CSMD3: variants seen among roughly 807,000 people sequenced by gnomAD.
CSMD3 encodes the protein CUB and sushi domain-containing protein 3.
Under a neutral mutation model 435.2 loss-of-function variants are expected in CSMD3, and 177 were observed. That is an observed-to-expected ratio of 0.41 (90% CI 0.36 to 0.46). The LOEUF is 0.46. CSMD3 is among the 20% of genes least tolerant of loss of function. The pLI is 0.34. For synonymous variants in CSMD3, 1,656 were observed against 1,520.5 expected (o/e 1.09, Z -2.07); for missense variants, 4,265 against 4,504.6 (o/e 0.95, Z 1.52).
At chr8:113,337,848 T>C (rs1022019844) in intron 1 of CSMD3, among the ~76,000 whole-genome samples, 10 of 137,984 alleles carry the variant, frequency 7.2e-5, no homozygotes, top group Admixed American at 6.3e-4. Flanking sequence ...ATAAGTGTTT[T>C]TACCACAAAA....
intron 10 of CSMD3, among the ~76,000 whole-genome samples, chr8:112,861,705 C>A (rs1310453987): frequency 6.6e-6 from 1 of 151,786 alleles, no homozygotes; most frequent in East Asian, 1.9e-4. Context: ...GTGCTAGTGG[C>A]CTGATAAGGA....
intron 4 of CSMD3, among the ~76,000 whole-genome samples, chr8:113,133,863 A>G (rs562065966): frequency 6.6e-6 from 1 of 152,246 alleles, no homozygotes; most frequent in African/African-American, 2.4e-5. Flanking sequence ...TAACAGAAAC[A>G]GAAAGTAGAA....
Position 112,361,572 on chromosome 8 carries a change from C to CATATAT in CSMD3, c.6137-9044_6137-9039dup, listed in dbSNP as rs4030099. The stretch of plus-strand genomic sequence containing the variant: ...GTGTGTATGTATATATATACACATA[C>CATATAT]ATATATATATATATATATATATATA... On this transcript the variant is annotated intron_variant, in intron 38 of 70. Coordinates refer to ENST00000297405, the MANE Select transcript of CSMD3 (RefSeq NM_198123.2). Among the ~76,000 whole-genome samples, 223 of 107,006 alleles carry CATATAT rather than the reference C, an allele frequency of 2.1e-3. 1 individual carries two copies. Among genetic ancestry groups the CATATAT allele is most frequent in the East Asian group, 3.0e-3 (11 of 3,696 alleles). 70.2% of individuals were successfully genotyped at this position (107,006 alleles called of 152,430 possible).
intron 3 of CSMD3, among the ~76,000 whole-genome samples, chr8:113,221,922 G>A (rs983629571): frequency 1.3e-5 from 2 of 151,196 alleles, no homozygotes; most frequent in East Asian, 1.9e-4. Context: ...ATAAGAGCAG[G>A]GACTTTGTTT....
intron 5 of CSMD3, among the ~76,000 whole-genome samples, chr8:113,033,525 ATG>A (rs1192950775): frequency 6.7e-6 from 1 of 149,798 alleles, no homozygotes; most frequent in Non-Finnish European, 1.5e-5. Flanking sequence ...CATTTACCCA[ATG>A]CTTGTACCTG....
At chr8:112,775,891 C>G (rs922484678) in intron 13 of CSMD3, among the ~76,000 whole-genome samples, 1 of 151,784 alleles carries the variant, frequency 6.6e-6, no homozygotes, top group Admixed American at 6.6e-5. Flanking sequence ...TACCTTTTAT[C>G]TATATATAGA....
At chr8:113,111,056 C>A (rs181551018) in intron 4 of CSMD3, among the ~76,000 whole-genome samples, 2 of 152,138 alleles carry the variant, frequency 1.3e-5, no homozygotes, top group African/African-American at 2.4e-5. Context: ...AAAGTCCAAC[C>A]TCCTAATATC....
intron 32 of CSMD3, among the ~76,000 whole-genome samples, chr8:112,469,773 A>G (rs1265908209): frequency 6.6e-6 from 1 of 152,304 alleles, no homozygotes; most frequent in South Asian, 2.1e-4. Context: ...GTACCAGTCC[A>G]TAGCCCAGGG....
At chr8:112,898,348 C>A (rs2082009505) in intron 10 of CSMD3, among the ~76,000 whole-genome samples, 1 of 151,156 alleles carries the variant, frequency 6.6e-6, no homozygotes, top group Non-Finnish European at 1.5e-5. Context: ...CTTTTGCATT[C>A]ATAAAATTTA....
At chr8:112,585,580 T>C (rs901785687) in intron 23 of CSMD3, among the ~76,000 whole-genome samples, 20 of 151,642 alleles carry the variant, frequency 1.3e-4, no homozygotes, top group African/African-American at 4.8e-4. Flanking sequence ...AAAGAATCAT[T>C]TGTTATCCCA....
chr8:112,346,173 G>A lies in CSMD3; in HGVS notation c.6366C>T (p.Ile2122=), dbSNP rs139487815. ...AGTTTCCAGGAAACCCAGGACTGAG[G>A]ATCACACCACTGAAGTCTGACATAG... ...GGAMSDFSGV[I]LSPGFPGNYP... Residue 2122 remains isoleucine, a synonymous_variant, in exon 41 of 71, where the codon ATC becomes ATT. Transcript: ENST00000297405. 7.6e-5 allele frequency: 123 copies of A among 1,613,344 alleles called. No individual in the cohort carries two copies. The highest frequency in any genetic ancestry group is 5.7e-4 in the Admixed American group (34 of 60,004).
intron 45 of CSMD3, among the ~76,000 whole-genome samples, chr8:112,328,381 T>C (rs1195297737): frequency 6.6e-6 from 1 of 152,190 alleles, no homozygotes; most frequent in Non-Finnish European, 1.5e-5. Flanking sequence ...TTGCAGAAAA[T>C]CTGCCAGTGA....
intron 22 of CSMD3, among the ~76,000 whole-genome samples, chr8:112,623,110 A>G (rs549664338): frequency 2.5e-4 from 38 of 152,244 alleles, no homozygotes; most frequent in African/African-American, 8.7e-4. Flanking sequence ...CCTATTCATC[A>G]TTGTAGAAAC....
intron 27 of CSMD3, among the ~76,000 whole-genome samples, chr8:112,531,704 T>A (rs566369613): frequency 2.0e-5 from 3 of 152,254 alleles, no homozygotes; most frequent in African/African-American, 7.2e-5. Context: ...GGGAACTCAA[T>A]AATAAATCCT....
At chr8:113,133,158 A>G (rs2091327180) in intron 4 of CSMD3, among the ~76,000 whole-genome samples, 1 of 152,144 alleles carries the variant, frequency 6.6e-6, no homozygotes, top group African/African-American at 2.4e-5. Context: ...AGAATTCTAA[A>G]TTATATCTTA....
intron 7 of CSMD3, among the ~76,000 whole-genome samples, chr8:112,968,339 G>A (rs1438397741): frequency 6.6e-6 from 1 of 151,552 alleles, no homozygotes; most frequent in Non-Finnish European, 1.5e-5. Context: ...AAGGGACAGT[G>A]GCAATCATAT....
intron 4 of CSMD3, among the ~76,000 whole-genome samples, chr8:113,121,114 A>T (rs1469191734): frequency 6.6e-6 from 1 of 152,042 alleles, no homozygotes; most frequent in Non-Finnish European, 1.5e-5. Flanking sequence ...TTTCCAAATC[A>T]ATTTAGTTTT....
chr8:112,584,707 A>G (rs1476788539), intron 23 of CSMD3, among the ~76,000 whole-genome samples: 1 of 151,478 alleles, frequency 6.6e-6, no homozygotes, highest in East Asian at 1.9e-4. Context: ...AATCAATGCT[A>G]CCACATAAAA....
intron 32 of CSMD3, among the ~76,000 whole-genome samples, chr8:112,430,182 T>G (rs1813509429): frequency 6.6e-6 from 1 of 152,020 alleles, no homozygotes; most frequent in Non-Finnish European, 1.5e-5. Context: ...TAACTCCGCT[T>G]CCATATTTTC....
Sources: gnomAD v4.1 joint callset for allele counts (sites outside exome capture counted in the v4.1 genomes callset) on GRCh38, gnomAD v4.1.1 for gene constraint, MANE v1.5 for transcripts, NCBI Gene and HGNC (gene_info 2026-07-23, HGNC 2026-07-21) for gene names.